HPSE: variants seen among roughly 807,000 people sequenced by gnomAD.
The protein encoded by HPSE is endo-glucoronidase.
In HPSE, 48 loss-of-function variants were observed where a neutral mutation model predicts 65.1. The observed-to-expected ratio is 0.74, with a 90% CI of 0.58 to 0.94. The LOEUF is 0.94. Among genes scored for constraint, HPSE ranks in the 40% least tolerant of loss-of-function variants. The pLI is 0.00. For synonymous variants in HPSE, 243 were observed against 260.0 expected (o/e 0.93, Z 0.63); for missense variants, 644 against 637.5 (o/e 1.01, Z -0.11).
chr4:83,332,791 A>AG, intron 1 of HPSE, among the ~76,000 whole-genome samples: 1 of 152,300 alleles, frequency 6.6e-6, no homozygotes. Flanking sequence ...CTGTTACTCC[A>AG]GGGGGGAACC....
chr4:83,313,028 AAAAAAAAAAAAAAG>A, intron 4 of HPSE, 72 bp downstream of exon 4: 1 of 985,498 alleles, frequency 1.0e-6, no homozygotes, highest in Non-Finnish European at 1.5e-6. Flanking sequence ...TCTCAAAAAA[AAAAAAAAAAAAAAG>A]AAAAAGAAAA....
Position 83,310,817 on chromosome 4 carries a change from C to A in HPSE, c.747G>T (p.Leu249Phe). Residue 249 changes from leucine to phenylalanine, a missense_variant, in exon 5 of 12, where the codon TTG becomes TTT. By Grantham distance (22) the Leu-to-Phe change is conservative. Transcript: ENST00000311412. Reference protein sequence around the residue: ...GSQLGEDFIQLHKLLRKSTFK... With the variant: ...GSQLGEDFIQFHKLLRKSTFK... ...AGGTGGACTTTCTTAGAAGTTTATG[C>A]AATTGAATAAAATCTTCTCCTAACT... 2 of 1,613,818 alleles carry A rather than the reference C, an allele frequency of 1.2e-6. No homozygotes were observed. The highest frequency in any genetic ancestry group is 1.7e-6 in the Non-Finnish European group (2 of 1,179,772).
At chr4:83,329,720 T>A (rs1207664714) in intron 1 of HPSE, among the ~76,000 whole-genome samples, 2 of 152,046 alleles carry the variant, frequency 1.3e-5, no homozygotes, top group Admixed American at 6.6e-5. Flanking sequence ...ACAACTTGAG[T>A]GTAACATTAT....
intron 1 of HPSE, among the ~76,000 whole-genome samples, chr4:83,323,685 C>T (rs1487878067): frequency 6.6e-6 from 1 of 152,122 alleles, no homozygotes; most frequent in Non-Finnish European, 1.5e-5. Context: ...AGTCAAATGA[C>T]TTAGAATTAT....
chr4:83,330,060 T>C (rs536097861), intron 1 of HPSE, among the ~76,000 whole-genome samples: 1 of 152,304 alleles, frequency 6.6e-6, no homozygotes, highest in East Asian at 1.9e-4. Context: ...GGCATTATTA[T>C]CGTCATTTTA....
Position 83,295,344 on chromosome 4 carries a change from T to G in HPSE, c.1632A>C (p.Ter544CysextTer2). 6.2e-7 allele frequency: 1 copy of G among 1,603,648 alleles called. No individual in the cohort carries two copies. Among genetic ancestry groups the G allele is most frequent in the Non-Finnish European group, 8.5e-7 (1 of 1,173,934 alleles). The part of the protein sequence containing the change: ...IRNAKVAACI[*>C] Reference sequence around the variant, plus strand: ...GTGTCAGGACTAGTATATTTTATTTTCAGATGCAAGCAGCAACTTTGGCAT... The same window carrying G: ...GTGTCAGGACTAGTATATTTTATTTGCAGATGCAAGCAGCAACTTTGGCAT... Residue 544 changes from the stop codon to cysteine, a stop_lost, in exon 12 of 12, where the codon TGA (stop) becomes TGC (cysteine). Coordinates refer to ENST00000311412, the MANE Select transcript of HPSE (RefSeq NM_001098540.3).
At chr4:83,317,826 T>G (rs1736711785) in intron 3 of HPSE, among the ~76,000 whole-genome samples, 3 of 152,356 alleles carry the variant, frequency 2.0e-5, no homozygotes, top group African/African-American at 7.2e-5. Flanking sequence ...ATTACAAATG[T>G]GGCCTTACTT....
chr4:83,310,351 A>G (rs1736318694), intron 5 of HPSE, among the ~76,000 whole-genome samples: 1 of 133,530 alleles, frequency 7.5e-6, no homozygotes, highest in East Asian at 2.3e-4. Context: ...ATTGTCTACC[A>G]GAGAGAATCT....
intron 3 of HPSE, among the ~76,000 whole-genome samples, chr4:83,318,710 C>CAA (rs11392395): frequency 0.048 from 4,284 of 89,438 alleles, 252 homozygotes; most frequent in African/African-American, 0.14. Flanking sequence ...GATTCCATCT[C>CAA]AAAAAAAAAA....
chr4:83,304,873 G>A (rs1212821395), intron 9 of HPSE, among the ~76,000 whole-genome samples: 1 of 152,120 alleles, frequency 6.6e-6, no homozygotes, highest in Non-Finnish European at 1.5e-5. Context: ...AAGTATGCAG[G>A]CCTCAGAAGC....
chr4:83,313,021 C>CA (rs370866017), intron 4 of HPSE, 93 bp downstream of exon 4: 45,956 of 642,730 alleles, frequency 0.072, 1,293 homozygotes, highest in Admixed American at 0.11. Flanking sequence ...GACTCTGTCT[C>CA]AAAAAAAAAA....
chr4:83,296,163 A>T (rs1036615329), intron 11 of HPSE, among the ~76,000 whole-genome samples: 3 of 152,228 alleles, frequency 2.0e-5, no homozygotes, highest in African/African-American at 7.2e-5. Context: ...CTTAAAAATT[A>T]AGGAAAAGTG....
At chr4:83,305,097 G>A (rs891066582) in intron 9 of HPSE, among the ~76,000 whole-genome samples, 4 of 152,144 alleles carry the variant, frequency 2.6e-5, no homozygotes, top group African/African-American at 7.2e-5. Context: ...AGTGAGAAGG[G>A]TACCATTTAC....
intron 9 of HPSE, among the ~76,000 whole-genome samples, chr4:83,304,257 T>A (rs1164521750): frequency 6.6e-6 from 1 of 152,138 alleles, no homozygotes; most frequent in African/African-American, 2.4e-5. Context: ...CTGATAAGGG[T>A]CTGAAGTTAT....
At chr4:83,328,068 G>T (rs1737218303) in intron 1 of HPSE, among the ~76,000 whole-genome samples, 1 of 152,194 alleles carries the variant, frequency 6.6e-6, no homozygotes. Context: ...CAGACCTAAA[G>T]GGGTAAGAAA....
chr4:83,320,014 A>G (rs796401099), intron 2 of HPSE, among the ~76,000 whole-genome samples: 27 of 140,370 alleles, frequency 1.9e-4, no homozygotes, highest in African/African-American at 7.1e-4. Flanking sequence ...TGGGCGACAA[A>G]GCGAGACACT....
intron 3 of HPSE, 69 bp downstream of exon 3, chr4:83,319,275 G>A: frequency 6.7e-7 from 1 of 1,500,572 alleles, no homozygotes; most frequent in East Asian, 2.3e-5. Context: ...TGCTAGATTG[G>A]TGCCCGAGTC....
chr4:83,308,936 TG>T lies in HPSE; in HGVS notation c.999del (p.Arg334GlyfsTer8), dbSNP rs2126187185. On this transcript the variant is annotated frameshift_variant, in exon 8 of 12. Transcript: ENST00000311412. LOFTEE classifies it high-confidence loss of function. ...CCTAACCAGACCTTCTTGCCAGGCC[TG>T]GTGCTCTCAACCACCTATAGAACAG... is the stretch of plus-strand genomic sequence containing the variant. ...VQKVFQVVES[T>X]RPGKKVWLGE... is the part of the protein sequence containing the mutation. 6.2e-7 allele frequency: 1 copy of T among 1,614,150 alleles called. No individual in the cohort carries two copies. Among genetic ancestry groups the T allele is most frequent in the Non-Finnish European group, 8.5e-7 (1 of 1,179,970 alleles).
intron 5 of HPSE, among the ~76,000 whole-genome samples, chr4:83,310,279 C>CT (rs1317579182): frequency 2.6e-5 from 4 of 151,942 alleles, no homozygotes; most frequent in African/African-American, 9.7e-5. Context: ...TCAAAATTTC[C>CT]TTTTTTTGGT....
Sources: allele counts gnomAD v4.1 joint callset (sites outside exome capture counted in the v4.1 genomes callset), GRCh38; gene constraint gnomAD v4.1.1; transcripts MANE v1.5; gene names NCBI Gene and HGNC (gene_info 2026-07-23, HGNC 2026-07-21).